Variants in FPGS observed in about 807,000 individuals in gnomAD.
FPGS encodes folylpolyglutamate synthase, mitochondrial.
Under a neutral mutation model 66.5 loss-of-function variants are expected in FPGS, and 53 were observed. The observed-to-expected ratio is 0.80, with a 90% CI of 0.64 to 1.00. The LOEUF is 1.00. FPGS is among the 50% of genes least tolerant of loss of function. The pLI is 0.00. For synonymous variants in FPGS, 348 were observed against 350.9 expected (o/e 0.99, Z 0.09); for missense variants, 702 against 807.7 (o/e 0.87, Z 1.59).
chr9:127,813,026 TCA>T (rs1830145097), intron 14 of FPGS, among the ~76,000 whole-genome samples, 167 bp from the exon 15 acceptor site: 1 of 152,192 alleles, frequency 6.6e-6, no homozygotes, highest in Admixed American at 6.5e-5. Context: ...TGCCTGAGCC[TCA>T]GTTTCTTCAC....
chr9:127,808,333 C>T, intron 9 of FPGS, 22 bp downstream of exon 9: 1 of 1,603,830 alleles, frequency 6.2e-7, no homozygotes, highest in Non-Finnish European at 8.5e-7. Flanking sequence ...TGGAATGGGG[C>T]AGCGGCAGGG....
In FPGS at chr9:127,804,767, A is replaced by G. The variant is rs1276384048; in HGVS notation, c.386+67A>G. 4 of 1,531,748 alleles carry G rather than the reference A, an allele frequency of 2.6e-6. No individual in the cohort carries two copies. The African/African-American group carries it at 5.5e-5, about 21-fold the overall frequency. The allele number at this position is 1,531,748 out of a possible 1,614,324, so 94.9% of individuals were successfully genotyped here. A position where few individuals can be genotyped will look rare whatever the true frequency, so the allele number is the denominator to read the frequency against. On this transcript the variant is annotated intron_variant, in intron 4 of 14. Coordinates refer to ENST00000373247, the MANE Select transcript of FPGS (RefSeq NM_004957.6). ...ACCCTGGGGGGCTATGGAACCAGCC[A>G]GTGCTTCAGGACCAGGGTCACCCCC...
chr9:127,809,076 T>C (rs545952616), intron 11 of FPGS, among the ~76,000 whole-genome samples, 187 bp downstream of exon 11: 3,043 of 152,080 alleles, frequency 0.02, 119 homozygotes, highest in African/African-American at 0.069. Flanking sequence ...TCTGAGCCTG[T>C]CTTCTCATCT....
chr9:127,813,494 A>G lies in FPGS; in HGVS notation c.1654A>G (p.Ser552Gly), dbSNP rs773091641. The G allele has an allele frequency of 3.7e-6, 6 of 1,613,072 alleles. No homozygotes were observed. In the East Asian group the frequency reaches 1.3e-4, roughly 36 times the overall value. The part of the protein sequence containing the change: ...KGLLTHPVAH[S>G]GASILREAAA... ...CCTCCTCACCCACCCTGTGGCTCACAGTGGGGCCAGCATACTCCGTGAGGC... is the reference window on the plus strand; with the variant it reads ...CCTCCTCACCCACCCTGTGGCTCACGGTGGGGCCAGCATACTCCGTGAGGC... Residue 552 changes from serine to glycine, a missense_variant, in exon 15 of 15, where the codon AGT becomes GGT. This residue lies in a region of FPGS where 351 missense variants were observed against 363.7 expected (regional missense o/e 0.97). Transcript: ENST00000373247.
In FPGS at chr9:127,813,959, T is replaced by G; in HGVS notation, c.*355T>G. The G allele has an allele frequency of 9.3e-7, 1 of 1,078,996 alleles. No individual in the cohort carries two copies. Among genetic ancestry groups the G allele is most frequent in the Non-Finnish European group, 1.1e-6 (1 of 891,138 alleles). The allele number at this position is 1,078,996 out of a possible 1,614,324, so 66.8% of individuals were successfully genotyped here. A position where few individuals can be genotyped will look rare whatever the true frequency, so the allele number is the denominator to read the frequency against. ...GTCTTGCCATGTGCTGGGTGGTAGA[T>G]TTCCTCCTCCCAGTGCCTTCTGGGA... On this transcript the variant is annotated 3_prime_UTR_variant, in exon 15 of 15. Coordinates refer to ENST00000373247, the MANE Select transcript of FPGS (RefSeq NM_004957.6).
chr9:127,809,607 G>A (rs1457662822), intron 11 of FPGS, 77 bp from the exon 12 acceptor site: 1 of 1,412,124 alleles, frequency 7.1e-7, no homozygotes, highest in Non-Finnish European at 9.4e-7. Context: ...GGGGAGAACG[G>A]GCTCAGGAGT....
chr9:127,807,346 G>A lies in FPGS; in HGVS notation c.579+60G>A. 6.2e-7 allele frequency: 1 copy of A among 1,612,218 alleles called. No individual in the cohort carries two copies. Among genetic ancestry groups the A allele is most frequent in the Non-Finnish European group, 8.5e-7 (1 of 1,178,392 alleles). ...GCCTTGGGAACGGGAACCTCAGCAG[G>A]CCTGGGGGCTCCCTGCTTCCATGCG... is the stretch of plus-strand genomic sequence containing the variant. On this transcript the variant is annotated intron_variant, in intron 6 of 14. Coordinates refer to ENST00000373247, the MANE Select transcript of FPGS (RefSeq NM_004957.6). This position sits in a 1 kb window ranked among gnomAD's most constrained non-coding sequence, Gnocchi z 5.8.
Position 127,813,852 on chromosome 9 carries a change from G to A in FPGS, c.*248G>A, listed in dbSNP as rs1311691551. 24 of 1,229,024 alleles carry A rather than the reference G, an allele frequency of 2.0e-5. No individual in the cohort carries two copies. Among genetic ancestry groups the A allele is most frequent in the Admixed American group, 4.3e-5 (1 of 23,138 alleles). The allele number at this position is 1,229,024 out of a possible 1,614,324, so 76.1% of individuals were successfully genotyped here. On this transcript the variant is annotated 3_prime_UTR_variant, in exon 15 of 15. Transcript: ENST00000373247. Reference sequence around the variant, plus strand: ...CTCTCACTGTTGCAGTGGCCTGGCCGTTCAGCCTGTCTCCCCCAACACCCC... The same window carrying A: ...CTCTCACTGTTGCAGTGGCCTGGCCATTCAGCCTGTCTCCCCCAACACCCC...
intron 13 of FPGS, among the ~76,000 whole-genome samples, chr9:127,810,504 T>G (rs1389231767): frequency 2.0e-5 from 3 of 152,100 alleles, no homozygotes; most frequent in Non-Finnish European, 2.9e-5. Flanking sequence ...GAAGGAGTCA[T>G]TGGGCCTTTC....
chr9:127,804,463 C>T (rs376164052), intron 2 of FPGS, 36 bp from the exon 3 acceptor site: 164 of 1,613,710 alleles, frequency 1.0e-4, no homozygotes, highest in Middle Eastern at 1.6e-4. Flanking sequence ...TTGTGATTCC[C>T]GTAGCTGAGG....
At chr9:127,812,163 C>T (rs989344186) in intron 14 of FPGS, among the ~76,000 whole-genome samples, 3 of 151,998 alleles carry the variant, frequency 2.0e-5, no homozygotes, top group African/African-American at 7.2e-5. Context: ...GTGGAAGGAT[C>T]GCTTGAGCCT....
At chr9:127,804,784 G>A in intron 4 of FPGS, 84 bp downstream of exon 4, 1 of 1,365,008 alleles carries the variant, frequency 7.3e-7, no homozygotes, top group Non-Finnish European at 1.0e-6. Flanking sequence ...CAGGACCAGG[G>A]TCACCCCCAG....
At chr9:127,803,935 A>G (rs991697911) in intron 1 of FPGS, among the ~76,000 whole-genome samples, 2 of 152,214 alleles carry the variant, frequency 1.3e-5, no homozygotes, top group Non-Finnish European at 2.9e-5. Flanking sequence ...CCGCTCTGGC[A>G]GGGAGCAATA....
In FPGS at chr9:127,813,175, C is replaced by G; in HGVS notation, c.1355-20C>G. On this transcript the variant is annotated intron_variant, in intron 14 of 14. Transcript: ENST00000373247. ...ACTCCCTCTCCCCTTCGCTGATAGG[C>G]CTTTCTCTGTGCCCCACAGACCAAC... 6.5e-7 allele frequency: 1 copy of G among 1,546,914 alleles called. No homozygotes were observed. The highest frequency in any genetic ancestry group is 1.2e-5 in the South Asian group (1 of 81,132).
intron 1 of FPGS, 105 bp from the exon 2 acceptor site, chr9:127,804,180 G>A: frequency 2.8e-6 from 4 of 1,446,012 alleles, no homozygotes; most frequent in Non-Finnish European, 3.8e-6. Context: ...GGCGGGCCTG[G>A]TACTGGCCTT....
chr9:127,806,395 ACTT>A (rs1018718396), intron 4 of FPGS: 2 of 154,136 alleles, frequency 1.3e-5, no homozygotes, highest in African/African-American at 4.8e-5. Flanking sequence ...AGTCCCAGCT[ACTT>A]GGGAGGCCGA....
chr9:127,803,767 C>T (rs2131842024), intron 1 of FPGS, among the ~76,000 whole-genome samples: 1 of 152,280 alleles, frequency 6.6e-6, no homozygotes, highest in Admixed American at 6.5e-5. Flanking sequence ...GAAGCCGTAC[C>T]TACCTGCCTT....
intron 14 of FPGS, among the ~76,000 whole-genome samples, chr9:127,812,266 A>G (rs1410932425): frequency 6.6e-6 from 1 of 152,052 alleles, no homozygotes; most frequent in Non-Finnish European, 1.5e-5. Context: ...CCTCTCTAAA[A>G]ATAAAAAATC....
In FPGS at chr9:127,806,929, G is replaced by C. The variant is rs768904420; in HGVS notation, c.387-44G>C. The C allele has an allele frequency of 8.2e-6, 12 of 1,470,860 alleles. No homozygotes were observed. The Admixed American group carries it at 1.7e-4, about 20-fold the overall frequency. The allele number at this position is 1,470,860 out of a possible 1,614,324, so 91.1% of individuals were successfully genotyped here. On this transcript the variant is annotated intron_variant, in intron 4 of 14. Coordinates refer to ENST00000373247, the MANE Select transcript of FPGS (RefSeq NM_004957.6). The stretch of plus-strand genomic sequence containing the variant: ...TCCCTGCAGGGTGGGGGAAGGCCAG[G>C]ACGCTCGGGAAGGGAGTCCTGATGA...
Sources: allele counts gnomAD v4.1 joint callset (sites outside exome capture counted in the v4.1 genomes callset), GRCh38; gene constraint gnomAD v4.1.1; regional missense constraint gnomAD v4.1.1; non-coding constraint Gnocchi (gnomAD v3.1); transcripts MANE v1.5; gene names NCBI Gene and HGNC (gene_info 2026-07-23, HGNC 2026-07-21).